The following DPH6 variants were observed in gnomAD, a reference collection of about 807,000 sequenced individuals.
DPH6 encodes the protein diphthine--ammonia ligase.
Under a neutral mutation model 38.2 loss-of-function variants are expected in DPH6, and 33 were observed. That is an observed-to-expected ratio of 0.86 (90% CI 0.65 to 1.15). DPH6 has a LOEUF of 1.15. Among genes scored for constraint, DPH6 ranks in the 50% most tolerant of loss-of-function variants. The pLI, the probability that DPH6 is intolerant of heterozygous loss-of-function variation, is 0.00. For synonymous variants in DPH6, 108 were observed against 103.0 expected (o/e 1.05, Z -0.30); for missense variants, 325 against 320.0 (o/e 1.02, Z -0.12).
rs565026732 is a variant in DPH6 at position 35,392,525 on chromosome 15, TA to T, written c.568-10610del. Reference sequence around the variant, plus strand: ...TAAACGGTATTCTTAACATAGAAGATAATTCATTCATAACACTTATTAAGGA... The same window carrying T: ...TAAACGGTATTCTTAACATAGAAGATATTCATTCATAACACTTATTAAGGA... On this transcript the variant is annotated intron_variant, in intron 6 of 8. Transcript: ENST00000256538. Among the ~76,000 whole-genome samples the T allele has an allele frequency of 3.2e-3, 484 of 152,320 alleles. 1 individual carries two copies. The highest frequency in any genetic ancestry group is 4.7e-3 in the Non-Finnish European group (322 of 68,022).
At chr15:35,259,284 C>T (rs2051729409) in intron 3 of DPH6, among the ~76,000 whole-genome samples, 1 of 152,062 alleles carries the variant, frequency 6.6e-6, no homozygotes, top group African/African-American at 2.4e-5. Flanking sequence ...TTTCTTGAAA[C>T]CTTGTGGGGT....
intron 3 of DPH6, among the ~76,000 whole-genome samples, chr15:35,528,652 T>TA (rs1341619938): frequency 6.6e-6 from 1 of 152,142 alleles, no homozygotes; most frequent in African/African-American, 2.4e-5. Flanking sequence ...TGTATTATAT[T>TA]AGTAGTTCAC....
chr15:35,425,831 C>A (rs987566114), intron 5 of DPH6, among the ~76,000 whole-genome samples: 6 of 143,512 alleles, frequency 4.2e-5, no homozygotes, highest in Non-Finnish European at 6.1e-5. Flanking sequence ...ATATATATAT[C>A]TCATATATCC....
chr15:35,269,947 C>T lies in DPH6; in HGVS notation n.201-49365G>A, dbSNP rs552501018. Among the ~76,000 whole-genome samples, 11 of 151,852 alleles carry T rather than the reference C, an allele frequency of 7.2e-5. No homozygotes were observed. In the East Asian group the frequency reaches 9.8e-4, roughly 13 times the overall value. The stretch of plus-strand genomic sequence containing the variant: ...CTGGGACTACAGGCACCTGCCACCA[C>T]GCCCAGCTAATCTTTTTTGTATTTC... On this transcript the variant is annotated intron_variant and non_coding_transcript_variant, in intron 3 of 3. Coordinates refer to the DPH6 transcript ENST00000560386.
chr15:35,488,469 G>A (rs2054433607), intron 3 of DPH6, among the ~76,000 whole-genome samples: 1 of 152,184 alleles, frequency 6.6e-6, no homozygotes, highest in Admixed American at 6.5e-5. Context: ...CAAAGGAGAA[G>A]CAAGACATGT....
rs143816520 is a variant in DPH6 at position 35,391,086 on chromosome 15, T to C, written c.568-9170A>G. On this transcript the variant is annotated intron_variant, in intron 6 of 8. Coordinates refer to ENST00000256538, the MANE Select transcript of DPH6 (RefSeq NM_080650.4). ...GTCAGGACCCTCAGCTGCAGGTCTGTTGGACTTTACTGGAGGTCCACTCCA... is the reference window on the plus strand; with the variant it reads ...GTCAGGACCCTCAGCTGCAGGTCTGCTGGACTTTACTGGAGGTCCACTCCA... Among the ~76,000 whole-genome samples, 714 of 152,344 alleles carry C rather than the reference T, an allele frequency of 4.7e-3. 8 individuals are homozygous for C. Among genetic ancestry groups the C allele is most frequent in the African/African-American group, 0.016 (653 of 41,592 alleles).
chr15:35,308,105 C>CA (rs1366345063), intron 3 of DPH6, among the ~76,000 whole-genome samples: 1 of 152,008 alleles, frequency 6.6e-6, no homozygotes, highest in East Asian at 1.9e-4. Context: ...AACCTCTCTA[C>CA]AAAAAATATA....
At chr15:35,188,824 C>T in the DPH6 span, among the ~76,000 whole-genome samples, 1 of 151,784 alleles carries the variant, frequency 6.6e-6, no homozygotes, top group Non-Finnish European at 1.5e-5. Context: ...ATAGAGATTG[C>T]AGTGAGCTGT....
chr15:35,298,696 C>G, intron 3 of DPH6: 2 of 1,577,988 alleles, frequency 1.3e-6, no homozygotes, highest in African/African-American at 1.4e-5. Flanking sequence ...TCCCCAGACC[C>G]TGGCCCTCCC....
At chr15:35,343,324 T>C (rs1291339490) in intron 3 of DPH6, among the ~76,000 whole-genome samples, 1 of 152,154 alleles carries the variant, frequency 6.6e-6, no homozygotes. Context: ...TATCCAATAT[T>C]ATTTTATTTA....
intron 3 of DPH6, among the ~76,000 whole-genome samples, chr15:35,265,328 C>G (rs1045778227): frequency 6.6e-6 from 1 of 152,178 alleles, no homozygotes; most frequent in African/African-American, 2.4e-5. Flanking sequence ...AAAATACTTC[C>G]TTTTGATAAC....
chr15:35,367,227 A>G (rs1471955233), downstream of DPH6, among the ~76,000 whole-genome samples: 1 of 151,882 alleles, frequency 6.6e-6, no homozygotes, highest in Non-Finnish European at 1.5e-5. Flanking sequence ...CAACAAGAGC[A>G]CGATTAAATA....
At chr15:35,497,818 C>A (rs2054576471) in intron 3 of DPH6, among the ~76,000 whole-genome samples, 1 of 152,166 alleles carries the variant, frequency 6.6e-6, no homozygotes, top group South Asian at 2.1e-4. Flanking sequence ...CTAAAAGCAA[C>A]AGATACTTAA....
chr15:35,327,700 C>T (rs907970030), downstream of DPH6, among the ~76,000 whole-genome samples: 35 of 152,204 alleles, frequency 2.3e-4, no homozygotes, highest in African/African-American at 8.4e-4. Context: ...CCCATCTTTG[C>T]TGCTCACTTG....
intron 3 of DPH6, among the ~76,000 whole-genome samples, chr15:35,276,119 C>T (rs2051857788): frequency 6.6e-6 from 1 of 151,816 alleles, no homozygotes; most frequent in African/African-American, 2.4e-5. Flanking sequence ...TATTATTTTT[C>T]TATTTTTAAG....
intron 3 of DPH6, among the ~76,000 whole-genome samples, chr15:35,234,575 T>C (rs1291990034): frequency 1.3e-5 from 2 of 152,270 alleles, no homozygotes; most frequent in Non-Finnish European, 2.9e-5. Context: ...TCCTATTTAA[T>C]ATTAACAACA....
chr15:35,245,214 T>C (rs1218229267), intron 3 of DPH6, among the ~76,000 whole-genome samples: 1 of 151,178 alleles, frequency 6.6e-6, no homozygotes, highest in Non-Finnish European at 1.5e-5. Flanking sequence ...TATAAATATT[T>C]CTGGGTCATT....
intron 3 of DPH6, among the ~76,000 whole-genome samples, chr15:35,278,771 C>T (rs540129920): frequency 6.6e-6 from 1 of 152,188 alleles, no homozygotes; most frequent in East Asian, 1.9e-4. Context: ...TATTTTGGGC[C>T]AGGAGCAGTG....
intron 3 of DPH6, among the ~76,000 whole-genome samples, chr15:35,258,427 A>G (rs1247438443): frequency 6.6e-6 from 1 of 152,228 alleles, no homozygotes; most frequent in Non-Finnish European, 1.5e-5. Flanking sequence ...CCAATGCTTT[A>G]AAATTTGCTC....
Sources: allele counts gnomAD v4.1 joint callset (sites outside exome capture counted in the v4.1 genomes callset), GRCh38; gene constraint gnomAD v4.1.1; transcripts MANE v1.5; gene names NCBI Gene and HGNC (gene_info 2026-07-23, HGNC 2026-07-21).